The following SLC25A21 variants were observed in gnomAD, a reference collection of about 807,000 sequenced individuals.
The protein encoded by SLC25A21 is solute carrier family 25 member 21.
A neutral mutation model predicts 43.8 loss-of-function variants in SLC25A21; 47 were observed. That is an observed-to-expected ratio of 1.07 (90% confidence interval 0.85 to 1.37). The LOEUF (loss-of-function observed/expected upper bound fraction) is 1.37, where lower values mean the gene tolerates loss of function less well. Ranked by LOEUF, SLC25A21 falls within the 40% of genes most tolerant of loss-of-function variation. The probability of loss-of-function intolerance (pLI) is 0.00; values close to 1 mark genes in which losing one functional copy is unlikely to be tolerated. For synonymous variants in SLC25A21, 131 were observed against 121.3 expected (o/e 1.08, Z -0.52); for missense variants, 352 against 350.2 (o/e 1.00, Z -0.04).
intron 2 of SLC25A21, among the ~76,000 whole-genome samples, chr14:36,846,525 G>A (rs1485467597): frequency 2.6e-5 from 4 of 152,026 alleles, no homozygotes; most frequent in African/African-American, 7.2e-5. Flanking sequence ...GGGATTACAG[G>A]TGCCTGCCAC....
chr14:36,917,039 A>G (rs979868610), intron 1 of SLC25A21, among the ~76,000 whole-genome samples: 9 of 151,484 alleles, frequency 5.9e-5, no homozygotes, highest in African/African-American at 9.7e-5. Context: ...CCTTCTCTCC[A>G]TTTCTACTGT....
intron 7 of SLC25A21, among the ~76,000 whole-genome samples, chr14:36,708,581 G>A (rs1388107847): frequency 6.6e-6 from 1 of 152,044 alleles, no homozygotes; most frequent in East Asian, 1.9e-4. Flanking sequence ...GGGACCACAG[G>A]CACTCACCAC....
At chr14:37,003,374 ATTGT>A (rs1471274868) in intron 1 of SLC25A21, among the ~76,000 whole-genome samples, 3 of 152,208 alleles carry the variant, frequency 2.0e-5, no homozygotes, top group African/African-American at 2.4e-5. Context: ...AAACTTATGA[ATTGT>A]TTATTTCTGG....
intron 1 of SLC25A21, among the ~76,000 whole-genome samples, chr14:37,063,359 G>T (rs564833386): frequency 7.9e-5 from 12 of 152,132 alleles, no homozygotes; most frequent in African/African-American, 2.4e-4. Context: ...AATTAGCCAG[G>T]CCTGGTGGCT....
intron 3 of SLC25A21, among the ~76,000 whole-genome samples, chr14:36,753,582 G>A (rs1428346186): frequency 1.3e-5 from 2 of 151,984 alleles, no homozygotes; most frequent in African/African-American, 4.8e-5. Flanking sequence ...AAATTTAATT[G>A]AAAAAATATT....
At chr14:36,787,716 G>T (rs186168297) in intron 3 of SLC25A21, among the ~76,000 whole-genome samples, 1 of 152,088 alleles carries the variant, frequency 6.6e-6, no homozygotes, top group African/African-American at 2.4e-5. Flanking sequence ...AATATAATAA[G>T]GAGTCTTTAA....
chr14:36,971,702 A>G (rs575988416), intron 1 of SLC25A21, among the ~76,000 whole-genome samples: 1 of 152,048 alleles, frequency 6.6e-6, no homozygotes, highest in South Asian at 2.1e-4. Flanking sequence ...ACCCACCCAC[A>G]TGTGTCCATG....
chr14:36,776,775 G>T (rs191163469), intron 3 of SLC25A21, among the ~76,000 whole-genome samples: 1,626 of 152,074 alleles, frequency 0.011, 10 homozygotes, highest in East Asian at 0.057. Context: ...CTATTTCACA[G>T]AGTAAATAGC....
At chr14:36,955,748 T>A (rs1428563718) in intron 1 of SLC25A21, among the ~76,000 whole-genome samples, 1 of 152,152 alleles carries the variant, frequency 6.6e-6, no homozygotes, top group African/African-American at 2.4e-5. Context: ...TGTTTTTTGT[T>A]TTTTCATTGA....
intron 1 of SLC25A21, among the ~76,000 whole-genome samples, chr14:37,164,677 T>C (rs1964002272): frequency 6.6e-6 from 1 of 152,192 alleles, no homozygotes; most frequent in African/African-American, 2.4e-5. Flanking sequence ...TTTTAACTAT[T>C]AGAGTAAGAA....
intron 1 of SLC25A21, among the ~76,000 whole-genome samples, chr14:36,930,523 C>A (rs1892258237): frequency 6.6e-6 from 1 of 152,082 alleles, no homozygotes; most frequent in African/African-American, 2.4e-5. Flanking sequence ...ATTGCCCTTG[C>A]CTTATATCGA....
chr14:36,734,405 T>C lies in SLC25A21; in HGVS notation c.270+102A>G, dbSNP rs1312004703. The C allele has an allele frequency of 7.0e-6, 5 of 718,330 alleles. No homozygotes were observed. In the African/African-American group the frequency reaches 8.3e-5, roughly 12 times the overall value. The allele number at this position is 718,330 out of a possible 1,614,324, so 44.5% of individuals were successfully genotyped here. On this transcript the variant is annotated intron_variant, in intron 4 of 9. Coordinates refer to ENST00000331299, the MANE Select transcript of SLC25A21 (RefSeq NM_030631.4). ...GCTATAATTTCTGCATTAAAATTTT[T>C]AGTGCTTTATATATAATTCATTTTA...
At chr14:36,716,241 CA>C (rs1804428145) in intron 6 of SLC25A21, among the ~76,000 whole-genome samples, 1 of 151,632 alleles carries the variant, frequency 6.6e-6, no homozygotes, top group Admixed American at 6.6e-5. Context: ...CAGTGGTTAC[CA>C]GGGGTGATGC....
chr14:37,080,737 T>C (rs1962370837), intron 1 of SLC25A21, among the ~76,000 whole-genome samples: 1 of 152,222 alleles, frequency 6.6e-6, no homozygotes, highest in Non-Finnish European at 1.5e-5. Flanking sequence ...AGCTGTATAC[T>C]TATAAGTGAC....
rs1471484358 is a variant in SLC25A21 at position 36,725,662 on chromosome 14, C to A, written c.346G>T (p.Gly116Ter). The A allele has an allele frequency of 6.3e-7, 1 of 1,595,198 alleles. No individual in the cohort carries two copies. The highest frequency in any genetic ancestry group is 8.5e-7 in the Non-Finnish European group (1 of 1,171,066). ...GCTTCTGTTAGTCCAGATCCCAATCCAGCAATGGCGAATGTCTAGAAAAAT... is the reference window on the plus strand; with the variant it reads ...GCTTCTGTTAGTCCAGATCCCAATCAAGCAATGGCGAATGTCTAGAAAAAT... ...LSPALTFAIA[G>*]LGSGLTEAIV... is the part of the protein sequence containing the mutation. The change falls in exon 6 of 10, where the codon GGA (glycine) becomes TGA (stop). Residue 116 changes from glycine to a stop codon, truncating the protein, a stop_gained. Transcript: ENST00000331299. LOFTEE classifies it high-confidence loss of function.
intron 1 of SLC25A21, among the ~76,000 whole-genome samples, chr14:36,985,232 C>T (rs991955421): frequency 4.0e-5 from 6 of 150,584 alleles, no homozygotes; most frequent in East Asian, 2.0e-4. Context: ...TGCTAGATGA[C>T]GAGTTAGTGG....
In SLC25A21 at chr14:36,820,770, A is replaced by C. The variant is rs148688057; in HGVS notation, c.120-6769T>G. Among the ~76,000 whole-genome samples the C allele has an allele frequency of 6.3e-4, 96 of 152,290 alleles. 1 individual carries two copies. Among genetic ancestry groups the C allele is most frequent in the Middle Eastern group, 6.8e-3 (2 of 294 alleles). ...GTGGGAGACTGCTAGAAAAAGTTGT[A>C]TACTGATAATAAGTGGTGATGAGCC... On this transcript the variant is annotated intron_variant, in intron 2 of 9. Coordinates refer to ENST00000331299, the MANE Select transcript of SLC25A21 (RefSeq NM_030631.4).
chr14:37,129,982 TG>T (rs1453973275), intron 1 of SLC25A21, among the ~76,000 whole-genome samples: 1 of 149,576 alleles, frequency 6.7e-6, no homozygotes, highest in Non-Finnish European at 1.5e-5. Flanking sequence ...CTTAGTGCAG[TG>T]GCATACAACT....
At chr14:37,099,003 A>G (rs1160004323) in intron 1 of SLC25A21, among the ~76,000 whole-genome samples, 1 of 151,956 alleles carries the variant, frequency 6.6e-6, no homozygotes, top group Non-Finnish European at 1.5e-5. Flanking sequence ...GGGTTTCACC[A>G]TGTTGACCAG....
Sources: gnomAD v4.1 joint callset for allele counts (sites outside exome capture counted in the v4.1 genomes callset) on GRCh38, gnomAD v4.1.1 for gene constraint, MANE v1.5 for transcripts, NCBI Gene and HGNC (gene_info 2026-07-23, HGNC 2026-07-21) for gene names.